GABRG1: variants seen among roughly 807,000 people sequenced by gnomAD.
The protein encoded by GABRG1 is gamma-aminobutyric acid type A receptor subunit gamma1, also known as gamma-aminobutyric acid receptor subunit gamma-1.
GABRG1 carries 49 observed loss-of-function variants against 49.8 expected under a neutral mutation model. The ratio of observed to expected loss-of-function variants is 0.98; its 90% CI spans 0.78 to 1.25. GABRG1 has a LOEUF of 1.25. GABRG1 is among the 50% of genes most tolerant of loss of function. The pLI is 0.00. For missense variants in GABRG1, 552 were observed against 552.3 expected (o/e 1.00, Z 0.01); for synonymous variants, 232 against 185.1 (o/e 1.25, Z -2.06).
At chr4:46,062,729 T>C (rs1335830467) in intron 5 of GABRG1, among the ~76,000 whole-genome samples, 1 of 152,148 alleles carries the variant, frequency 6.6e-6, no homozygotes, top group Non-Finnish European at 1.5e-5. Flanking sequence ...AGTCAAATTG[T>C]CCCTGTTTGC....
chr4:46,107,350 T>C lies in GABRG1; in HGVS notation c.105-10001A>G, dbSNP rs570308752. ...TTCCTAAGGTAATACCTTATAATAA[T>C]GTACACAATGCTTTATTTTTAACAT... On this transcript the variant is annotated intron_variant, in intron 1 of 8. Coordinates refer to ENST00000295452, the MANE Select transcript of GABRG1 (RefSeq NM_173536.4). Among the ~76,000 whole-genome samples, 22 of 151,448 alleles carry C rather than the reference T, an allele frequency of 1.5e-4. No individual in the cohort carries two copies. In the South Asian group the frequency reaches 1.9e-3, roughly 13 times the overall value.
rs766827321 is a variant in GABRG1, at chr4:46,097,194, A to C, written c.253+7T>G. The C allele has an allele frequency of 6.3e-7, 1 of 1,597,134 alleles. No individual in the cohort carries two copies. Among genetic ancestry groups the C allele is most frequent in the Admixed American group, 1.8e-5 (1 of 57,088 alleles). ...ATCAAAATCCCAGAATGGTAACTCA[A>C]GCTTACCTCCTATATCTGGACGAAG... On this transcript the variant is annotated splice_region_variant and intron_variant, in intron 2 of 8. Transcript: ENST00000295452.
At chr4:46,061,665 T>C (rs1718680024) in intron 5 of GABRG1, among the ~76,000 whole-genome samples, 1 of 151,644 alleles carries the variant, frequency 6.6e-6, no homozygotes, top group Admixed American at 6.6e-5. Flanking sequence ...ATAAAGAATA[T>C]ACCAGGTTTT....
At chr4:46,112,845 C>T (rs1720761955) in intron 1 of GABRG1, among the ~76,000 whole-genome samples, 1 of 150,840 alleles carries the variant, frequency 6.6e-6, no homozygotes, top group African/African-American at 2.4e-5. Context: ...TCGTATATCG[C>T]TGATGGGATT....
Position 46,037,694 on chromosome 4 carries a change from A to C in GABRG1, c.*3294T>G, listed in dbSNP as rs768008810. ...CTTTGAAAATATTATGCATGTATTT[A>C]TTCATTCGTTATACATTTACTTAAA... On this transcript the variant is annotated 3_prime_UTR_variant, in exon 9 of 9. Coordinates refer to ENST00000295452, the MANE Select transcript of GABRG1 (RefSeq NM_173536.4). 1 of 151,730 alleles carries C rather than the reference A, an allele frequency of 6.6e-6. No homozygotes were observed. The highest frequency in any genetic ancestry group is 1.5e-5 in the Non-Finnish European group (1 of 67,764). 9.4% of individuals were successfully genotyped at this position (151,730 alleles called of 1,614,324 possible).
chr4:46,082,076 A>G (rs1002585584), intron 3 of GABRG1, among the ~76,000 whole-genome samples: 12 of 151,970 alleles, frequency 7.9e-5, no homozygotes, highest in African/African-American at 2.6e-4. Flanking sequence ...TATTGAATGC[A>G]TTCCATGGGA....
chr4:46,118,289 T>C (rs1412786668), intron 1 of GABRG1, among the ~76,000 whole-genome samples: 2 of 148,710 alleles, frequency 1.3e-5, no homozygotes, highest in East Asian at 4.0e-4. Flanking sequence ...TACCTACCTA[T>C]CTAGATGTAT....
chr4:46,122,058 A>G (rs1023673855), intron 1 of GABRG1, among the ~76,000 whole-genome samples: 1 of 152,044 alleles, frequency 6.6e-6, no homozygotes, highest in East Asian at 1.9e-4. Context: ...CCTTCATTTC[A>G]TAGATGAACC....
At chr4:46,059,591 T>C (rs1009614047) in intron 5 of GABRG1, among the ~76,000 whole-genome samples, 7 of 151,946 alleles carry the variant, frequency 4.6e-5, no homozygotes, top group Admixed American at 3.3e-4. Flanking sequence ...ATTTTTATCT[T>C]TATTAGAGAC....
At position 46,065,643 on chromosome 4, in the gene GABRG1, C is replaced by T. The variant is rs78579728; in HGVS notation, c.322-59G>A. 2.9e-3 allele frequency: 2,325 copies of T among 811,092 alleles called. 7 individuals carry two copies. The highest frequency in any genetic ancestry group is 3.8e-3 in the Non-Finnish European group (1,958 of 520,510). The allele number at this position is 811,092 out of a possible 1,614,324, so 50.2% of individuals were successfully genotyped here. A position where few individuals can be genotyped will look rare whatever the true frequency, so the allele number is the denominator to read the frequency against. ...AAGCTACTATTTTAGTTGTTTTTCT[C>T]GAAAGTTTGAATTTTTGTATTGTAA... On this transcript the variant is annotated intron_variant, in intron 3 of 8. Coordinates refer to ENST00000295452, the MANE Select transcript of GABRG1 (RefSeq NM_173536.4).
At chr4:46,102,436 G>C (rs527511919) in intron 1 of GABRG1, among the ~76,000 whole-genome samples, 9 of 151,766 alleles carry the variant, frequency 5.9e-5, no homozygotes, top group African/African-American at 2.2e-4. Flanking sequence ...ATTGCACTCA[G>C]ATTCTTTTGA....
intron 2 of GABRG1, among the ~76,000 whole-genome samples, chr4:46,092,467 G>T (rs754721207): frequency 6.6e-6 from 1 of 151,162 alleles, no homozygotes; most frequent in Non-Finnish European, 1.5e-5. Context: ...AATGATAGAA[G>T]GATAAAATAA....
At chr4:46,083,868 T>A (rs1430455857) in intron 3 of GABRG1, 118 bp downstream of exon 3, 9 of 684,990 alleles carry the variant, frequency 1.3e-5, no homozygotes, top group Non-Finnish European at 2.4e-5. Flanking sequence ...TAATTGTACA[T>A]GTTGATCTGA....
At chr4:46,100,424 C>T (rs1720340787) in intron 1 of GABRG1, among the ~76,000 whole-genome samples, 1 of 151,098 alleles carries the variant, frequency 6.6e-6, no homozygotes, top group African/African-American at 2.4e-5. Context: ...GCCACCATGA[C>T]ACAAGTTTAC....
intron 7 of GABRG1, among the ~76,000 whole-genome samples, chr4:46,057,725 C>A (rs1165932888): frequency 1.3e-5 from 2 of 151,968 alleles, no homozygotes; most frequent in Non-Finnish European, 2.9e-5. Context: ...GCCACAGAAG[C>A]CAGGGAGCGT....
intron 1 of GABRG1, among the ~76,000 whole-genome samples, chr4:46,103,747 C>G (rs1275318509): frequency 6.6e-6 from 1 of 151,354 alleles, no homozygotes; most frequent in Admixed American, 6.6e-5. Context: ...CATTTTGCTA[C>G]TCCTATTATT....
At chr4:46,041,939 G>A (rs1213259574) in intron 8 of GABRG1, among the ~76,000 whole-genome samples, 1 of 151,966 alleles carries the variant, frequency 6.6e-6, no homozygotes, top group Non-Finnish European at 1.5e-5. Context: ...ATCATGCTCA[G>A]TAATAATAGC....
intron 1 of GABRG1, among the ~76,000 whole-genome samples, chr4:46,116,944 AC>A (rs1312647315): frequency 1.3e-5 from 2 of 150,474 alleles, no homozygotes; most frequent in Non-Finnish European, 3.0e-5. Flanking sequence ...ACTCTATTAC[AC>A]GTGCTGGAAA....
At chr4:46,050,027 A>T (rs938562384) in intron 8 of GABRG1, among the ~76,000 whole-genome samples, 32 of 151,970 alleles carry the variant, frequency 2.1e-4, no homozygotes, top group African/African-American at 7.0e-4. Flanking sequence ...TCCAACATAG[A>T]TACAGATAAG....
Sources: allele counts gnomAD v4.1 joint callset (sites outside exome capture counted in the v4.1 genomes callset), GRCh38; gene constraint gnomAD v4.1.1; transcripts MANE v1.5; gene names NCBI Gene and HGNC (gene_info 2026-07-23, HGNC 2026-07-21).